The following WDR17 variants were observed in gnomAD, a reference collection of about 807,000 sequenced individuals.
The protein encoded by WDR17 is WD repeat-containing protein 17.
In WDR17, 143 loss-of-function variants were observed where a neutral mutation model predicts 161.7. The ratio of observed to expected loss-of-function variants is 0.88; its 90% confidence interval spans 0.77 to 1.02. The LOEUF (loss-of-function observed/expected upper bound fraction) is 1.02, where lower values mean the gene tolerates loss of function less well. WDR17 is among the 50% of genes least tolerant of loss of function. The pLI is 0.00. For synonymous variants in WDR17, 517 were observed against 515.6 expected (o/e 1.00, Z -0.04); for missense variants, 1,469 against 1,520.9 (o/e 0.97, Z 0.57).
intron 2 of WDR17, among the ~76,000 whole-genome samples, chr4:176,114,753 C>A (rs28512388): frequency 0.26 from 39,602 of 151,210 alleles, 5,413 homozygotes; most frequent in African/African-American, 0.33. Context: ...GGTTCTGGGG[C>A]GAGTTATGAA....
chr4:176,171,171 C>T (rs1750679476), intron 23 of WDR17, among the ~76,000 whole-genome samples: 1 of 152,174 alleles, frequency 6.6e-6, no homozygotes, highest in African/African-American at 2.4e-5. Context: ...TGGGGACTGT[C>T]TGTAACACTA....
Position 176,131,738 on chromosome 4 carries a change from G to T in WDR17, c.1098G>T (p.Leu366Phe). 2 of 1,607,186 alleles carry T rather than the reference G, an allele frequency of 1.2e-6. No individual in the cohort carries two copies. The highest frequency in any genetic ancestry group is 1.7e-6 in the Non-Finnish European group (2 of 1,177,010). Reference protein sequence around the residue: ...GAKKWDFLRDLGHVETIFDCK... With the variant: ...GAKKWDFLRDFGHVETIFDCK... ...AGAAGTGGGATTTTCTTAGAGACTTGGTATGTATGTAGTCATTCCTTTATT... is the reference window on the plus strand; with the variant it reads ...AGAAGTGGGATTTTCTTAGAGACTTTGTATGTATGTAGTCATTCCTTTATT... Residue 366 changes from leucine to phenylalanine, a missense_variant and splice_region_variant, in exon 7 of 29, where the codon TTG becomes TTT. Physicochemically the swap from Leu to Phe is conservative, Grantham distance 22. Coordinates refer to ENST00000508596, the MANE Select transcript of WDR17 (RefSeq NM_181265.4).
intron 6 of WDR17, among the ~76,000 whole-genome samples, chr4:176,129,517 A>G (rs1743017503): frequency 6.6e-6 from 1 of 152,120 alleles, no homozygotes; most frequent in African/African-American, 2.4e-5. Context: ...ATAGACTTCC[A>G]GTTAAGTCTA....
intron 17 of WDR17, among the ~76,000 whole-genome samples, 154 bp from the exon 18 acceptor site, chr4:176,155,925 A>C (rs1160502092): frequency 1.3e-5 from 2 of 151,510 alleles, no homozygotes; most frequent in Non-Finnish European, 2.9e-5. Flanking sequence ...AAGACTACGG[A>C]ACAAAAAGAA....
chr4:176,129,864 G>A (rs1743076844), intron 6 of WDR17, among the ~76,000 whole-genome samples: 1 of 151,966 alleles, frequency 6.6e-6, no homozygotes, highest in Admixed American at 6.6e-5. Flanking sequence ...TTACTGTTTA[G>A]GGATGTTGGA....
At chr4:176,140,013 G>C (rs756225904) in intron 10 of WDR17, 39 bp downstream of exon 10, 2 of 1,494,640 alleles carry the variant, frequency 1.3e-6, no homozygotes, top group Admixed American at 3.7e-5. Context: ...AAATTACACT[G>C]TTTATAAAGC....
chr4:176,140,457 G>C (rs958373423), intron 10 of WDR17, among the ~76,000 whole-genome samples: 7 of 152,056 alleles, frequency 4.6e-5, no homozygotes, highest in Non-Finnish European at 7.4e-5. Context: ...CCTTTTGTTA[G>C]GAAATAACTT....
At chr4:176,151,687 T>G (rs907804363) in intron 16 of WDR17, 125 bp from the exon 17 acceptor site, 9 of 817,806 alleles carry the variant, frequency 1.1e-5, no homozygotes, top group Non-Finnish European at 1.6e-5. Flanking sequence ...TTATCTTTTT[T>G]TGTGTGTTAG....
intron 11 of WDR17, among the ~76,000 whole-genome samples, chr4:176,144,035 GCAT>G: frequency 6.6e-6 from 1 of 151,980 alleles, no homozygotes; most frequent in East Asian, 1.9e-4. Context: ...CTTACTCCTT[GCAT>G]CCAGCCACAC....
chr4:176,110,488 TTCTAC>T (rs1739525824), intron 1 of WDR17, among the ~76,000 whole-genome samples: 1 of 152,232 alleles, frequency 6.6e-6, no homozygotes, highest in African/African-American at 2.4e-5. Flanking sequence ...ATGGCTTGGA[TTCTAC>T]CTTTAAAAGG....
intron 23 of WDR17, among the ~76,000 whole-genome samples, chr4:176,170,687 G>A (rs1750597841): frequency 6.6e-6 from 1 of 152,152 alleles, no homozygotes; most frequent in Admixed American, 6.5e-5. Flanking sequence ...CGCTTTTAAT[G>A]ATAGGGCTAG....
At chr4:176,172,225 C>A (rs1750835964) in intron 23 of WDR17, 150 bp from the exon 24 acceptor site, 4 of 678,326 alleles carry the variant, frequency 5.9e-6, no homozygotes, top group South Asian at 2.1e-5. Context: ...TAAATATATT[C>A]TCTTAATTCA....
At chr4:176,143,888 A>C (rs935816557) in intron 11 of WDR17, among the ~76,000 whole-genome samples, 1 of 152,126 alleles carries the variant, frequency 6.6e-6, no homozygotes, top group African/African-American at 2.4e-5. Context: ...AGCTGAGCAC[A>C]CCATTCTACT....
At chr4:176,174,744 T>G in intron 26 of WDR17, 26 bp downstream of exon 26, 1 of 1,510,664 alleles carries the variant, frequency 6.6e-7, no homozygotes, top group African/African-American at 1.4e-5. Flanking sequence ...TCCTCCATCA[T>G]GACATTAGAG....
Position 176,179,915 on chromosome 4 carries a change from CAT to C in WDR17, c.*339_*340del, listed in dbSNP as rs1207280761. Reference sequence around the variant, plus strand: ...ATATCATATGGTTGAAATATTGAAACATATTAAATTGTGCAACACCTAGAATA... The same window carrying C: ...ATATCATATGGTTGAAATATTGAAACATTAAATTGTGCAACACCTAGAATA... On this transcript the variant is annotated 3_prime_UTR_variant, in exon 29 of 29. Transcript: ENST00000508596. The C allele has an allele frequency of 6.5e-6, 1 of 152,950 alleles. No individual in the cohort carries two copies. Among genetic ancestry groups the C allele is most frequent in the East Asian group, 1.9e-4 (1 of 5,246 alleles). 9.5% of individuals were successfully genotyped at this position (152,950 alleles called of 1,614,324 possible). A position where few individuals can be genotyped will look rare whatever the true frequency, so the allele number is the denominator to read the frequency against.
chr4:176,143,212 T>C (rs2126793707), intron 11 of WDR17, among the ~76,000 whole-genome samples: 1 of 152,310 alleles, frequency 6.6e-6, no homozygotes, highest in Non-Finnish European at 1.5e-5. Context: ...CAAAATAAGC[T>C]CACTATCAGC....
Position 176,120,010 on chromosome 4 carries a change from G to C in WDR17, c.451G>C (p.Asp151His). The C allele has an allele frequency of 6.2e-7, 1 of 1,613,986 alleles. No individual in the cohort carries two copies. Among genetic ancestry groups the C allele is most frequent in the Non-Finnish European group, 8.5e-7 (1 of 1,179,978 alleles). ...VHKDAHSFLS[D>H]ICMFRWHTHQ... The stretch of plus-strand genomic sequence containing the variant: ...CAAAGATGCTCATAGCTTCTTGTCT[G>C]ATATCTGTATGTTCAGATGGCATAC... Residue 151 changes from aspartate to histidine, a missense_variant, in exon 4 of 29, where the codon GAT (aspartate) becomes CAT (histidine). Physicochemically the swap from Asp to His is moderately conservative, Grantham distance 81. Transcript: ENST00000508596.
chr4:176,170,378 C>T (rs145031269), intron 23 of WDR17, among the ~76,000 whole-genome samples: 45 of 148,950 alleles, frequency 3.0e-4, no homozygotes, highest in African/African-American at 9.4e-4. Flanking sequence ...TGCAATGGCA[C>T]GAGCTCAGAT....
chr4:176,119,031 T>C (rs1408860956), intron 3 of WDR17, among the ~76,000 whole-genome samples: 2 of 152,082 alleles, frequency 1.3e-5, no homozygotes, highest in African/African-American at 2.4e-5. Context: ...TGATCTGATA[T>C]GTTATATTCC....
Sources: allele counts gnomAD v4.1 joint callset (sites outside exome capture counted in the v4.1 genomes callset), GRCh38; gene constraint gnomAD v4.1.1; transcripts MANE v1.5; gene names NCBI Gene and HGNC (gene_info 2026-07-23, HGNC 2026-07-21).